POFUT1: variants seen among roughly 807,000 people sequenced by gnomAD.
POFUT1 encodes the protein GDP-fucose protein O-fucosyltransferase 1.
A neutral mutation model predicts 42.4 loss-of-function variants in POFUT1; 16 were observed. That is an observed-to-expected ratio of 0.38 (90% CI 0.26 to 0.57). The LOEUF is 0.57. Among genes scored for constraint, POFUT1 ranks in the 20% least tolerant of loss-of-function variants. The probability of loss-of-function intolerance (pLI) is 0.71; values close to 1 mark genes in which losing one functional copy is unlikely to be tolerated. For missense variants in POFUT1, 470 were observed against 504.6 expected (o/e 0.93, Z 0.66); for synonymous variants, 206 against 205.4 (o/e 1.00, Z -0.03).
At chr20:32,234,414 G>T in intron 6 of POFUT1, 59 bp from the exon 7 acceptor site, 1 of 1,455,526 alleles carries the variant, frequency 6.9e-7, no homozygotes, top group Non-Finnish European at 9.3e-7. Context: ...TGGGGGTGTG[G>T]ATGGCAGGCC....
At chr20:32,230,758 TCTTG>T (rs1033558830) in intron 5 of POFUT1, 57 bp from the exon 6 acceptor site, 91 of 1,585,580 alleles carry the variant, frequency 5.7e-5, no homozygotes, top group Admixed American at 1.3e-4. Flanking sequence ...ACTTACCAGG[TCTTG>T]CTTCTGGGGT....
At chr20:32,208,193 C>T (rs2047304207) in intron 1 of POFUT1, 128 bp downstream of exon 1, 3 of 917,160 alleles carry the variant, frequency 3.3e-6, no homozygotes, top group African/African-American at 3.5e-5. Context: ...ACGGGGCATG[C>T]TCTTCTCCTC....
rs1482177259 is a variant in POFUT1 at position 32,238,448 on chromosome 20, GA to G, written c.*3793del. On this transcript the variant is annotated 3_prime_UTR_variant, in exon 7 of 7. Coordinates refer to ENST00000375749, the MANE Select transcript of POFUT1 (RefSeq NM_015352.2). ...CCCCAATTTTTCACTATTGTTATTT[GA>G]AAAAATATTTTTATTTGTAAGAGTT... 2 of 151,546 alleles carry G rather than the reference GA, an allele frequency of 1.3e-5. No individual in the cohort carries two copies. The highest frequency in any genetic ancestry group is 4.8e-5 in the African/African-American group (2 of 41,238). The allele number at this position is 151,546 out of a possible 1,614,324, so 9.4% of individuals were successfully genotyped here.
chr20:32,220,801 G>T (rs1393861190), intron 4 of POFUT1, among the ~76,000 whole-genome samples: 1 of 152,016 alleles, frequency 6.6e-6, no homozygotes, highest in Non-Finnish European at 1.5e-5. Context: ...ATGTCTGGTG[G>T]GTGATGCTGC....
intron 2 of POFUT1, among the ~76,000 whole-genome samples, chr20:32,212,974 T>A (rs2047337991): frequency 6.6e-6 from 1 of 151,518 alleles, no homozygotes; most frequent in Non-Finnish European, 1.5e-5. Context: ...AACCTCCACC[T>A]CCTGGGTTAA....
At chr20:32,210,003 C>G (rs74183480) in intron 1 of POFUT1, 68 bp from the exon 2 acceptor site, 47 of 1,588,858 alleles carry the variant, frequency 3.0e-5, no homozygotes, top group South Asian at 4.4e-5. Context: ...CACAACCTTT[C>G]TGAGCCCTGC....
chr20:32,213,213 T>C (rs6141637), intron 2 of POFUT1, among the ~76,000 whole-genome samples: 103,916 of 151,922 alleles, frequency 0.68, 37,474 homozygotes, highest in East Asian at 0.99. Context: ...TAGAAAAATA[T>C]GCCAGGCGCA....
At chr20:32,225,060 T>G (rs2047407900) in intron 4 of POFUT1, among the ~76,000 whole-genome samples, 1 of 152,240 alleles carries the variant, frequency 6.6e-6, no homozygotes, top group Non-Finnish European at 1.5e-5. Context: ...GATAATACAT[T>G]AATCCTCTCA....
intron 1 of POFUT1, among the ~76,000 whole-genome samples, chr20:32,208,644 A>G (rs1290145137): frequency 1.8e-4 from 16 of 88,568 alleles, no homozygotes; most frequent in Admixed American, 4.2e-4. Context: ...TGAAAATCCA[A>G]TCTCAAAAAA....
At position 32,208,195 on chromosome 20, in the gene POFUT1, C is replaced by G. The variant is rs1391216982; in HGVS notation, c.124+130C>G. On this transcript the variant is annotated intron_variant, in intron 1 of 6. Coordinates refer to ENST00000375749, the MANE Select transcript of POFUT1 (RefSeq NM_015352.2). ...ACCTCAGAGCGGGACGGGGCATGCT[C>G]TTCTCCTCTCTGCCTTAGTTGCAAG... 8.7e-6 allele frequency: 8 copies of G among 921,702 alleles called. No individual in the cohort carries two copies. The Admixed American group carries it at 1.7e-4, about 19-fold the overall frequency. The allele number at this position is 921,702 out of a possible 1,614,324, so 57.1% of individuals were successfully genotyped here. A position where few individuals can be genotyped will look rare whatever the true frequency, so the allele number is the denominator to read the frequency against.
At chr20:32,231,786 A>G (rs915361562) in intron 6 of POFUT1, among the ~76,000 whole-genome samples, 1 of 152,246 alleles carries the variant, frequency 6.6e-6, no homozygotes, top group African/African-American at 2.4e-5. Flanking sequence ...AAAGTTAGCT[A>G]TCATCAGTAG....
chr20:32,214,422 G>A (rs2047347844), intron 2 of POFUT1, among the ~76,000 whole-genome samples: 1 of 152,054 alleles, frequency 6.6e-6, no homozygotes, highest in Non-Finnish European at 1.5e-5. Context: ...ACCACACCTG[G>A]CCAGAAGGAG....
intron 4 of POFUT1, among the ~76,000 whole-genome samples, chr20:32,218,430 C>T (rs771584241): frequency 3.9e-5 from 6 of 152,184 alleles, no homozygotes; most frequent in Admixed American, 2.0e-4. Context: ...TGAGCTGCTG[C>T]GCCCAGTCCC....
chr20:32,220,740 CAA>C (rs775995685), intron 4 of POFUT1, among the ~76,000 whole-genome samples: 17 of 129,694 alleles, frequency 1.3e-4, no homozygotes, highest in Non-Finnish European at 1.7e-4. Context: ...GAAACTGTCT[CAA>C]AAAAAAAAAA....
chr20:32,207,983 C>T lies in POFUT1; in HGVS notation c.42C>T (p.Phe14=), dbSNP rs2122556824. 1 of 1,594,424 alleles carries T rather than the reference C, an allele frequency of 6.3e-7. No homozygotes were observed. Among genetic ancestry groups the T allele is most frequent in the Non-Finnish European group, 8.5e-7 (1 of 1,176,030 alleles). The change falls in exon 1 of 7, where the codon TTC becomes TTT. Residue 14 remains phenylalanine (F), a synonymous_variant. Transcript: ENST00000375749. ...AAWARPLSVS[F]LLLLLPLPGM... ...GGGCACGGCCGCTGAGCGTGTCTTT[C>T]CTGCTGCTGCTTCTGCCGCTCCCGG...
rs1405505427 is a variant in POFUT1 at position 32,237,246 on chromosome 20, G to A, written c.*2585G>A. ...TGTCAGGCTCTATGCTAGGTACTGG[G>A]GATACAGGAGAGAATCAAGCGTAAA... On this transcript the variant is annotated 3_prime_UTR_variant, in exon 7 of 7. Coordinates refer to ENST00000375749, the MANE Select transcript of POFUT1 (RefSeq NM_015352.2). The A allele has an allele frequency of 6.4e-6, 1 of 155,310 alleles. No individual in the cohort carries two copies. Among genetic ancestry groups the A allele is most frequent in the East Asian group, 1.9e-4 (1 of 5,294 alleles). 9.6% of individuals were successfully genotyped at this position (155,310 alleles called of 1,614,324 possible).
At position 32,238,182 on chromosome 20, in the gene POFUT1, G is replaced by A. The variant is rs765929454; in HGVS notation, c.*3521G>A. 4.7e-5 allele frequency: 10 copies of A among 212,504 alleles called. No homozygotes were observed. Among genetic ancestry groups the A allele is most frequent in the South Asian group, 1.4e-4 (2 of 14,504 alleles). 13.2% of individuals were successfully genotyped at this position (212,504 alleles called of 1,614,324 possible). On this transcript the variant is annotated 3_prime_UTR_variant, in exon 7 of 7. Coordinates refer to ENST00000375749, the MANE Select transcript of POFUT1 (RefSeq NM_015352.2). The stretch of plus-strand genomic sequence containing the variant: ...CCGAGGTGGGCAGATCACTTGAGGT[G>A]AGGAGTTCAAGACCAGCCTGGCCAA...
chr20:32,236,044 C>T lies in POFUT1; in HGVS notation c.*1383C>T, dbSNP rs2047468651. Reference sequence around the variant, plus strand: ...GTCAGCATTTGCTGTATAGAGCTGCCACCCAACTCTAAGCAGGAGAAACTG... The same window carrying T: ...GTCAGCATTTGCTGTATAGAGCTGCTACCCAACTCTAAGCAGGAGAAACTG... On this transcript the variant is annotated 3_prime_UTR_variant, in exon 7 of 7. Transcript: ENST00000375749. 6.6e-6 allele frequency: 1 copy of T among 152,256 alleles called. No individual in the cohort carries two copies. Among genetic ancestry groups the T allele is most frequent in the Admixed American group, 6.5e-5 (1 of 15,282 alleles). The allele number at this position is 152,256 out of a possible 1,614,324, so 9.4% of individuals were successfully genotyped here.
chr20:32,207,992 G>C lies in POFUT1; in HGVS notation c.51G>C (p.Leu17=). The C allele has an allele frequency of 1.3e-6, 2 of 1,593,680 alleles. No homozygotes were observed. The highest frequency in any genetic ancestry group is 1.7e-6 in the Non-Finnish European group (2 of 1,175,164). Residue 17 remains leucine, a synonymous_variant, in exon 1 of 7, where the codon CTG becomes CTC. Transcript: ENST00000375749. The stretch of plus-strand genomic sequence containing the variant: ...CGCTGAGCGTGTCTTTCCTGCTGCT[G>C]CTTCTGCCGCTCCCGGGGATGCCTG... ...ARPLSVSFLL[L]LLPLPGMPAG...
Sources: gnomAD v4.1 joint callset for allele counts (sites outside exome capture counted in the v4.1 genomes callset) on GRCh38, gnomAD v4.1.1 for gene constraint, MANE v1.5 for transcripts, NCBI Gene and HGNC (gene_info 2026-07-23, HGNC 2026-07-21) for gene names.